Variants in CNTN4 observed in about 807,000 individuals in gnomAD.
CNTN4 encodes the protein contactin 4, also known as contactin-4.
In CNTN4, 77 loss-of-function variants were observed where a neutral mutation model predicts 122.5. The ratio of observed to expected loss-of-function variants is 0.63; its 90% CI spans 0.52 to 0.76. The LOEUF (loss-of-function observed/expected upper bound fraction) is 0.76. Among genes scored for constraint, CNTN4 ranks in the 30% least tolerant of loss-of-function variants. The pLI, the probability that CNTN4 is intolerant of heterozygous loss-of-function variation, is 0.00. For synonymous variants in CNTN4, 512 were observed against 447.0 expected (o/e 1.15, Z -1.83); for missense variants, 1,256 against 1,259.1 (o/e 1.00, Z 0.04).
At chr3:2,744,082 C>T (rs550795583) in intron 5 of CNTN4, among the ~76,000 whole-genome samples, 3 of 152,032 alleles carry the variant, frequency 2.0e-5, no homozygotes, top group Non-Finnish European at 4.4e-5. Context: ...CCCGAAGTGC[C>T]GAGATTACAG....
chr3:2,576,008 T>G (rs554133068), intron 4 of CNTN4, among the ~76,000 whole-genome samples: 2 of 151,880 alleles, frequency 1.3e-5, no homozygotes, highest in Non-Finnish European at 2.9e-5. Flanking sequence ...CTAATTTTTT[T>G]GTATTTTTAG....
At chr3:2,874,831 C>T (rs1351824040) in intron 8 of CNTN4, among the ~76,000 whole-genome samples, 1 of 152,104 alleles carries the variant, frequency 6.6e-6, no homozygotes, top group Non-Finnish European at 1.5e-5. Context: ...TTTGTTTTAA[C>T]TAGGAATTGG....
intron 4 of CNTN4, among the ~76,000 whole-genome samples, chr3:2,729,679 C>T (rs917947205): frequency 5.3e-5 from 8 of 151,764 alleles, no homozygotes; most frequent in East Asian, 1.9e-4. Context: ...CTTTGGGATG[C>T]GAAGGCAGGC....
intron 4 of CNTN4, among the ~76,000 whole-genome samples, chr3:2,571,984 C>G (rs1436188442): frequency 2.6e-5 from 4 of 152,196 alleles, no homozygotes; most frequent in Non-Finnish European, 2.9e-5. Flanking sequence ...TCTTCTGATA[C>G]TGACTCTCTT....
At chr3:2,377,534 G>T (rs1406703774) in intron 3 of CNTN4, among the ~76,000 whole-genome samples, 2 of 152,132 alleles carry the variant, frequency 1.3e-5, no homozygotes, top group Admixed American at 1.3e-4. Flanking sequence ...CATTGTCTTT[G>T]CACAGTATCA....
At chr3:2,235,858 G>C (rs1187207286) in intron 2 of CNTN4, among the ~76,000 whole-genome samples, 1 of 152,036 alleles carries the variant, frequency 6.6e-6, no homozygotes, top group Non-Finnish European at 1.5e-5. Context: ...AAGAGGCATT[G>C]TTCTAAGTGC....
At chr3:2,941,508 C>G (rs901011482) in intron 13 of CNTN4, among the ~76,000 whole-genome samples, 2 of 152,210 alleles carry the variant, frequency 1.3e-5, no homozygotes, top group Non-Finnish European at 2.9e-5. Flanking sequence ...ACCTAGAAAT[C>G]ACTGCTAATT....
chr3:2,354,066 T>C (rs1196038636), intron 3 of CNTN4, among the ~76,000 whole-genome samples: 3 of 152,338 alleles, frequency 2.0e-5, no homozygotes, highest in African/African-American at 7.2e-5. Context: ...TTCCAACATC[T>C]CATAACATCT....
chr3:2,162,163 T>C (rs535462441), intron 2 of CNTN4, among the ~76,000 whole-genome samples: 1 of 152,248 alleles, frequency 6.6e-6, no homozygotes, highest in African/African-American at 2.4e-5. Flanking sequence ...ATACGCATTA[T>C]ATTCATTTCA....
intron 2 of CNTN4, among the ~76,000 whole-genome samples, chr3:2,239,548 C>A (rs761176486): frequency 2.6e-5 from 4 of 152,140 alleles, no homozygotes; most frequent in Admixed American, 6.5e-5. Context: ...GGATCTTGGG[C>A]AATTCAGTTT....
rs763481067 is a variant in CNTN4, at chr3:3,043,580, A to AT, written c.2699-5dup. On this transcript the variant is annotated splice_polypyrimidine_tract_variant and intron_variant, in intron 22 of 24. Transcript: ENST00000418658. The stretch of plus-strand genomic sequence containing the variant: ...ATAATCTGTGACTTCGTATATCTTA[A>AT]TTTTTTTATAGCACCAAGTCAACCC... 31 of 1,585,660 alleles carry AT rather than the reference A, an allele frequency of 2.0e-5. No homozygotes were observed. In the East Asian group the frequency reaches 3.4e-4, roughly 17 times the overall value.
At chr3:3,038,746 C>T (rs763783787) in intron 18 of CNTN4, among the ~76,000 whole-genome samples, 187 bp from the exon 19 acceptor site, 2 of 152,020 alleles carry the variant, frequency 1.3e-5, no homozygotes, top group Non-Finnish European at 2.9e-5. Flanking sequence ...ATAGCAGTCT[C>T]CTTGGTACAT....
At chr3:2,328,344 T>C (rs76956790) in intron 2 of CNTN4, among the ~76,000 whole-genome samples, 49,601 of 145,806 alleles carry the variant, frequency 0.34, 9,642 homozygotes, top group East Asian at 0.77. Context: ...AGGCGGAGCT[T>C]GCGGTGAGCC....
At chr3:2,585,912 A>G (rs1010482224) in intron 4 of CNTN4, among the ~76,000 whole-genome samples, 2 of 151,978 alleles carry the variant, frequency 1.3e-5, no homozygotes. Context: ...AGCTAGGCTC[A>G]GTGTTTCTAG....
intron 4 of CNTN4, among the ~76,000 whole-genome samples, chr3:2,644,472 G>T (rs149409120): frequency 2.8e-4 from 42 of 152,124 alleles, no homozygotes; most frequent in African/African-American, 9.6e-4. Flanking sequence ...AATGCTGAGG[G>T]AAAAGGGAGA....
chr3:2,727,657 A>G (rs1278745796), intron 4 of CNTN4, among the ~76,000 whole-genome samples: 1 of 152,136 alleles, frequency 6.6e-6, no homozygotes, highest in Non-Finnish European at 1.5e-5. Context: ...CCGTCCTACC[A>G]CTGTTTCTAA....
chr3:2,900,685 CT>C lies in CNTN4; in HGVS notation c.942del (p.Gln315AsnfsTer8). ...TTCTTTGCTTTTTGGATGCCTATAG[CT>C]CAACCTAATTGGATTCAAAAAATAA... ...NVARGQLTFY[A>X]QPNWIQKIND... On this transcript the variant is annotated frameshift_variant and splice_region_variant, in exon 11 of 25. Transcript: ENST00000418658. LOFTEE classifies it high-confidence loss of function. The C allele has an allele frequency of 6.2e-7, 1 of 1,613,560 alleles. No homozygotes were observed. The highest frequency in any genetic ancestry group is 8.5e-7 in the Non-Finnish European group (1 of 1,179,578).
chr3:2,632,994 A>G (rs931855847), intron 4 of CNTN4, among the ~76,000 whole-genome samples: 40 of 148,714 alleles, frequency 2.7e-4, no homozygotes, highest in African/African-American at 8.3e-4. Flanking sequence ...TAATTTATAT[A>G]TACATTTATA....
chr3:2,797,849 C>CT (rs2092236185), intron 6 of CNTN4, among the ~76,000 whole-genome samples: 1 of 151,290 alleles, frequency 6.6e-6, no homozygotes. Context: ...ATGACCCTTA[C>CT]TCACATTTCT....
Sources: gnomAD v4.1 joint callset for allele counts (sites outside exome capture counted in the v4.1 genomes callset) on GRCh38, gnomAD v4.1.1 for gene constraint, MANE v1.5 for transcripts, NCBI Gene and HGNC (gene_info 2026-07-23, HGNC 2026-07-21) for gene names.